CR1L: variants seen among roughly 807,000 people sequenced by gnomAD.
The protein encoded by CR1L is complement component receptor 1-like protein.
A neutral mutation model predicts 62.3 loss-of-function variants in CR1L; 59 were observed. The observed-to-expected ratio is 0.95, with a 90% CI of 0.77 to 1.18. CR1L has a LOEUF of 1.18. Among genes scored for constraint, CR1L ranks in the 50% most tolerant of loss-of-function variants. The pLI is 0.00. For synonymous variants in CR1L, 279 were observed against 248.7 expected (o/e 1.12, Z -1.15); for missense variants, 700 against 702.8 (o/e 1.00, Z 0.04).
chr1:207,694,779 C>T, intron 5 of CR1L, 28 bp downstream of exon 5: 1 of 1,611,670 alleles, frequency 6.2e-7, no homozygotes, highest in Non-Finnish European at 8.5e-7. Context: ...CTAGAAGGGC[C>T]CTGCCAGTGA....
At chr1:207,688,274 T>C (rs578237236) in intron 4 of CR1L, among the ~76,000 whole-genome samples, 3 of 152,304 alleles carry the variant, frequency 2.0e-5, no homozygotes, top group African/African-American at 7.2e-5. Flanking sequence ...AGACCCTGTT[T>C]CTTATGGATA....
chr1:207,660,828 G>T (rs1317744378), intron 1 of CR1L, among the ~76,000 whole-genome samples: 1 of 152,210 alleles, frequency 6.6e-6, no homozygotes, highest in East Asian at 1.9e-4. Flanking sequence ...GTGTCCCAGA[G>T]ATTCTGGTAT....
Position 207,697,555 on chromosome 1 carries a change from G to A in CR1L, c.915G>A (p.Lys305=), listed in dbSNP as rs1290129927. 1.1e-5 allele frequency: 18 copies of A among 1,613,696 alleles called. No homozygotes were observed. The highest frequency in any genetic ancestry group is 1.4e-5 in the Non-Finnish European group (17 of 1,179,754). Residue 305 remains lysine, a synonymous_variant, in exon 6 of 12, where the codon AAG becomes AAA. Coordinates refer to ENST00000508064, the MANE Select transcript of CR1L (RefSeq NM_175710.2). ...ATGCTGAGCGTACCCAAAGGGACAA[G>A]GACAACTTTTCACCCGGGCAGGAAG... ...VLHAERTQRD[K]DNFSPGQEVF...
intron 1 of CR1L, among the ~76,000 whole-genome samples, chr1:207,670,000 C>T (rs1397008518): frequency 1.3e-5 from 2 of 151,190 alleles, no homozygotes; most frequent in Non-Finnish European, 2.9e-5. Context: ...AGTCTGTTTG[C>T]TCTTCTGTAA....
rs556267321 is a variant in CR1L at position 207,721,286 on chromosome 1, C to T, written c.1643-2332C>T. Among the ~76,000 whole-genome samples, 163 of 151,908 alleles carry T rather than the reference C, an allele frequency of 1.1e-3. 1 individual carries two copies. The highest frequency in any genetic ancestry group is 3.3e-3 in the South Asian group (16 of 4,794). On this transcript the variant is annotated intron_variant, in intron 11 of 11. Coordinates refer to ENST00000508064, the MANE Select transcript of CR1L (RefSeq NM_175710.2). ...ATACATGTGCCATGCTGGTGTGCTG[C>T]AACCACTAACTCGTCATCTAGCATT...
At chr1:207,717,858 C>T (rs755003835) in intron 11 of CR1L, among the ~76,000 whole-genome samples, 167 bp downstream of exon 11, 22 of 152,160 alleles carry the variant, frequency 1.4e-4, no homozygotes, top group Non-Finnish European at 2.9e-4. Flanking sequence ...GATAGGCACA[C>T]TGTCTCAATT....
At chr1:207,672,196 C>T (rs1156563835) in intron 1 of CR1L, among the ~76,000 whole-genome samples, 1 of 150,412 alleles carries the variant, frequency 6.6e-6, no homozygotes, top group Admixed American at 6.6e-5. Flanking sequence ...TAAAGATATA[C>T]CATGCTAATG....
intron 1 of CR1L, among the ~76,000 whole-genome samples, chr1:207,665,653 A>G (rs1338940338): frequency 6.6e-6 from 1 of 152,132 alleles, no homozygotes; most frequent in Non-Finnish European, 1.5e-5. Flanking sequence ...TCAGCCTCCA[A>G]AAATGCTGGG....
chr1:207,679,428 C>A (rs1478912948), intron 3 of CR1L, among the ~76,000 whole-genome samples: 1 of 152,076 alleles, frequency 6.6e-6, no homozygotes. Context: ...TTAATAGGAA[C>A]TGGGGATTAA....
chr1:207,690,301 G>A (rs1220971557), intron 4 of CR1L, among the ~76,000 whole-genome samples: 4 of 151,926 alleles, frequency 2.6e-5, no homozygotes, highest in Non-Finnish European at 4.4e-5. Flanking sequence ...GTACATAAAA[G>A]TTTTCTAATT....
chr1:207,662,389 G>C (rs6693519), intron 1 of CR1L, among the ~76,000 whole-genome samples: 83,098 of 151,866 alleles, frequency 0.55, 23,228 homozygotes, highest in East Asian at 0.69. Flanking sequence ...CACTTCATTT[G>C]ATTCATTTGA....
At chr1:207,712,606 G>GT (rs1664376278) in intron 10 of CR1L, among the ~76,000 whole-genome samples, 1 of 152,192 alleles carries the variant, frequency 6.6e-6, no homozygotes, top group Non-Finnish European at 1.5e-5. Context: ...GGCAGGAAGT[G>GT]TTCTACAGCT....
intron 4 of CR1L, among the ~76,000 whole-genome samples, chr1:207,693,561 G>A (rs761347589): frequency 2.0e-5 from 3 of 152,108 alleles, no homozygotes; most frequent in Non-Finnish European, 4.4e-5. Flanking sequence ...CTATATCTTG[G>A]TCTGTATGTT....
At chr1:207,665,989 G>A (rs1223973564) in intron 1 of CR1L, among the ~76,000 whole-genome samples, 3 of 152,198 alleles carry the variant, frequency 2.0e-5, no homozygotes, top group Non-Finnish European at 4.4e-5. Context: ...AAGCCGCACT[G>A]AGTAGAGAAT....
At chr1:207,709,065 T>A (rs899142935) in intron 10 of CR1L, 1 of 244,254 alleles carries the variant, frequency 4.1e-6, no homozygotes, top group Non-Finnish European at 8.1e-6. Flanking sequence ...GTTTGCTTTG[T>A]CTTTATTAGT....
At chr1:207,692,895 G>C (rs894842858) in intron 4 of CR1L, among the ~76,000 whole-genome samples, 1 of 151,950 alleles carries the variant, frequency 6.6e-6, no homozygotes, top group African/African-American at 2.4e-5. Flanking sequence ...AGCTCTTTCT[G>C]GTGTGTTTCC....
Position 207,645,193 on chromosome 1 carries a change from T to C in CR1L, c.-41T>C. 6.2e-7 allele frequency: 1 copy of C among 1,604,322 alleles called. No individual in the cohort carries two copies. Among genetic ancestry groups the C allele is most frequent in the Admixed American group, 1.7e-5 (1 of 59,996 alleles). On this transcript the variant is annotated 5_prime_UTR_variant, in exon 1 of 12. Transcript: ENST00000508064. ...CTGCTCGGCTGGCTTTCGGTTTCTCTGCTCACCTCCGGATAAATCACGGGG... is the reference window on the plus strand; with the variant it reads ...CTGCTCGGCTGGCTTTCGGTTTCTCCGCTCACCTCCGGATAAATCACGGGG...
chr1:207,664,845 A>T (rs1206325315), intron 1 of CR1L, among the ~76,000 whole-genome samples: 1 of 151,792 alleles, frequency 6.6e-6, no homozygotes, highest in Admixed American at 6.5e-5. Flanking sequence ...TAGCAAGATA[A>T]TGATGTTAAG....
chr1:207,696,141 T>C (rs1410878053), intron 5 of CR1L, among the ~76,000 whole-genome samples: 1 of 152,188 alleles, frequency 6.6e-6, no homozygotes, highest in Non-Finnish European at 1.5e-5. Context: ...CCTGGAGGGA[T>C]GCTCAAGTGG....
Sources: allele counts gnomAD v4.1 joint callset (sites outside exome capture counted in the v4.1 genomes callset), GRCh38; gene constraint gnomAD v4.1.1; transcripts MANE v1.5; gene names NCBI Gene and HGNC (gene_info 2026-07-23, HGNC 2026-07-21).